SEMA3E: variants seen among roughly 807,000 people sequenced by gnomAD.
SEMA3E encodes semaphorin-3E.
In SEMA3E, 49 loss-of-function variants were observed where a neutral mutation model predicts 93.6. The ratio of observed to expected loss-of-function variants is 0.52; its 90% CI spans 0.42 to 0.66. The LOEUF (loss-of-function observed/expected upper bound fraction) is 0.66, where lower values mean the gene tolerates loss of function less well. SEMA3E is among the 30% of genes least tolerant of loss of function. The probability of loss-of-function intolerance (pLI) is 0.00; values close to 1 mark genes in which losing one functional copy is unlikely to be tolerated. For missense variants in SEMA3E, 906 were observed against 964.8 expected, an observed-to-expected ratio of 0.94 and a Z score of 0.81; for synonymous variants, 363 against 330.7, an observed-to-expected ratio of 1.10 and a Z score of -1.06.
At chr7:83,403,503 TA>T (rs1788270078) in intron 9 of SEMA3E, among the ~76,000 whole-genome samples, 1 of 152,000 alleles carries the variant, frequency 6.6e-6, no homozygotes, top group Admixed American at 6.6e-5. Flanking sequence ...TTATTGAAGA[TA>T]TTTGTAATCA....
At chr7:83,594,584 T>A (rs967198817) in intron 1 of SEMA3E, among the ~76,000 whole-genome samples, 2 of 152,106 alleles carry the variant, frequency 1.3e-5, no homozygotes, top group Admixed American at 6.6e-5. Flanking sequence ...AGGGTATGAA[T>A]TTTGGAGTCT....
At chr7:83,635,764 A>G (rs567585774) in intron 1 of SEMA3E, among the ~76,000 whole-genome samples, 56 of 152,122 alleles carry the variant, frequency 3.7e-4, no homozygotes, top group Middle Eastern at 3.4e-3. Context: ...GAATGATAAA[A>G]CATAGCCATT....
intron 4 of SEMA3E, among the ~76,000 whole-genome samples, chr7:83,461,814 C>T (rs1490336244): frequency 6.6e-6 from 1 of 152,174 alleles, no homozygotes; most frequent in Non-Finnish European, 1.5e-5. Context: ...AAAAAAGTTA[C>T]AATTCCTTGC....
rs545924457 is a variant in SEMA3E at position 83,454,947 on chromosome 7, A to G, written c.456+11535T>C. On this transcript the variant is annotated intron_variant, in intron 4 of 16. Coordinates refer to ENST00000643230, the MANE Select transcript of SEMA3E (RefSeq NM_012431.3). ...CTGTGGGCTACCTTTTAAAAACATT[A>G]TTTGTGTAAAGTATCTACATATTTT... 2.0e-5 allele frequency among the ~76,000 whole-genome samples: 3 copies of G among 152,326 alleles called. No homozygotes were observed. The South Asian group carries it at 6.2e-4, about 32-fold the overall frequency.
At chr7:83,514,342 C>T (rs970793376) in intron 1 of SEMA3E, among the ~76,000 whole-genome samples, 1 of 152,044 alleles carries the variant, frequency 6.6e-6, no homozygotes, top group Admixed American at 6.6e-5. Flanking sequence ...TGCAGACTCG[C>T]CCTAAATTTT....
intron 1 of SEMA3E, among the ~76,000 whole-genome samples, chr7:83,504,202 C>G (rs1325902016): frequency 6.6e-6 from 1 of 152,138 alleles, no homozygotes; most frequent in Non-Finnish European, 1.5e-5. Flanking sequence ...ACATTTTTCT[C>G]ATAATTACTA....
chr7:83,614,307 G>A (rs1208885507), intron 1 of SEMA3E, among the ~76,000 whole-genome samples: 2 of 152,044 alleles, frequency 1.3e-5, no homozygotes, highest in East Asian at 3.9e-4. Context: ...TGGACAGCCA[G>A]CCAGAAGTAG....
chr7:83,420,534 A>G (rs577207388), intron 4 of SEMA3E, among the ~76,000 whole-genome samples: 1 of 152,260 alleles, frequency 6.6e-6, no homozygotes, highest in Non-Finnish European at 1.5e-5. Flanking sequence ...AACAAAAACA[A>G]AGAAAAACTG....
At chr7:83,402,997 T>C (rs1674989504) in intron 9 of SEMA3E, among the ~76,000 whole-genome samples, 1 of 152,028 alleles carries the variant, frequency 6.6e-6, no homozygotes, top group African/African-American at 2.4e-5. Context: ...CACTTGAAGA[T>C]GACATTGTTA....
intron 1 of SEMA3E, among the ~76,000 whole-genome samples, chr7:83,559,450 G>T (rs939087285): frequency 6.6e-6 from 1 of 151,938 alleles, no homozygotes; most frequent in Non-Finnish European, 1.5e-5. Context: ...GTATTCAGAT[G>T]ACAAATGAGC....
Position 83,520,034 on chromosome 7 carries a change from T to C in SEMA3E, c.116-29760A>G, listed in dbSNP as rs532933842. Among the ~76,000 whole-genome samples, 8 of 152,300 alleles carry C rather than the reference T, an allele frequency of 5.3e-5. No homozygotes were observed. The East Asian group carries it at 1.5e-3, about 29-fold the overall frequency. On this transcript the variant is annotated intron_variant, in intron 1 of 16. Transcript: ENST00000643230. Reference sequence around the variant, plus strand: ...TATGAACAATTAAATAATGTGTACATTACAAATAAGGCTTACGATAAAATC... The same window carrying C: ...TATGAACAATTAAATAATGTGTACACTACAAATAAGGCTTACGATAAAATC...
At chr7:83,576,086 C>G (rs1792395783) in intron 1 of SEMA3E, among the ~76,000 whole-genome samples, 1 of 152,080 alleles carries the variant, frequency 6.6e-6, no homozygotes, top group Admixed American at 6.6e-5. Context: ...GCATATAAAT[C>G]TATTAGAAAG....
chr7:83,627,816 A>G (rs376162493), intron 1 of SEMA3E, among the ~76,000 whole-genome samples: 8 of 151,998 alleles, frequency 5.3e-5, no homozygotes, highest in East Asian at 3.9e-4. Context: ...CCCAAATTGC[A>G]TTTAAGGTTA....
chr7:83,406,968 G>T, intron 7 of SEMA3E, 129 bp downstream of exon 7: 1 of 1,090,556 alleles, frequency 9.2e-7, no homozygotes, highest in Non-Finnish European at 1.4e-6. Context: ...GGTTGGTATA[G>T]TAAATATCAA....
chr7:83,449,088 T>TTTTATTTATTTA lies in SEMA3E; in HGVS notation c.456+17382_456+17393dup, dbSNP rs56254736. 3.7e-4 allele frequency among the ~76,000 whole-genome samples: 55 copies of TTTTATTTATTTA among 147,762 alleles called. No individual in the cohort carries two copies. In the East Asian group the frequency reaches 4.6e-3, roughly 12 times the overall value. On this transcript the variant is annotated intron_variant, in intron 4 of 16. Transcript: ENST00000643230. ...TAAATTTTAAGTTTTATTTTTTAAA[T>TTTTATTTATTTA]TTTATTTATTTATTTATTTATTTAT...
At chr7:83,636,735 A>G (rs1459211284) in intron 1 of SEMA3E, among the ~76,000 whole-genome samples, 1 of 152,090 alleles carries the variant, frequency 6.6e-6, no homozygotes, top group East Asian at 1.9e-4. Context: ...AATTAAGTTA[A>G]TTTCTGGGAG....
intron 2 of SEMA3E, among the ~76,000 whole-genome samples, chr7:83,477,584 A>T: frequency 6.6e-6 from 1 of 152,154 alleles, no homozygotes; most frequent in East Asian, 1.9e-4. Context: ...AACTATAGAC[A>T]AAATTTGTAT....
chr7:83,379,222 C>T (rs541539381), intron 16 of SEMA3E, among the ~76,000 whole-genome samples: 12 of 151,282 alleles, frequency 7.9e-5, no homozygotes, highest in African/African-American at 2.7e-4. Context: ...GAGTGGAATA[C>T]TAGATGCTGG....
intron 3 of SEMA3E, among the ~76,000 whole-genome samples, chr7:83,468,807 A>G: frequency 6.6e-6 from 1 of 152,194 alleles, no homozygotes; most frequent in East Asian, 1.9e-4. Flanking sequence ...AAAAATATTT[A>G]GGAATAGGTA....
Sources: gnomAD v4.1 joint callset for allele counts (sites outside exome capture counted in the v4.1 genomes callset) on GRCh38, gnomAD v4.1.1 for gene constraint, MANE v1.5 for transcripts, NCBI Gene and HGNC (gene_info 2026-07-23, HGNC 2026-07-21) for gene names.